The following RERG variants were observed in gnomAD, a reference collection of about 807,000 sequenced individuals.
RERG encodes the protein ras-related and estrogen-regulated growth inhibitor.
Under a neutral mutation model 23.2 loss-of-function variants are expected in RERG, and 25 were observed. The observed-to-expected ratio is 1.08, with a 90% CI of 0.79 to 1.50. RERG has a LOEUF of 1.50. Ranked by LOEUF, RERG falls within the 40% of genes most tolerant of loss-of-function variation. The probability of loss-of-function intolerance (pLI) is 0.00; values close to 1 mark genes in which losing one functional copy is unlikely to be tolerated. For missense variants in RERG, 253 were observed against 250.1 expected (o/e 1.01, Z -0.08); for synonymous variants, 81 against 89.1 (o/e 0.91, Z 0.51).
intron 2 of RERG, among the ~76,000 whole-genome samples, chr12:15,215,044 T>C (rs1171064378): frequency 6.6e-6 from 1 of 152,104 alleles, no homozygotes; most frequent in Non-Finnish European, 1.5e-5. Flanking sequence ...AAAAAGGCAA[T>C]TGTTAAAGAT....
chr12:15,203,523 C>T (rs1290763404), intron 2 of RERG, among the ~76,000 whole-genome samples: 6 of 151,580 alleles, frequency 4.0e-5, no homozygotes, highest in Admixed American at 3.3e-4. Flanking sequence ...ACAATGATGA[C>T]CATGCTTATG....
At chr12:15,163,992 C>A (rs2136116098) in intron 2 of RERG, among the ~76,000 whole-genome samples, 1 of 152,254 alleles carries the variant, frequency 6.6e-6, no homozygotes, top group Admixed American at 6.5e-5. Context: ...TCTGCTACTA[C>A]CTCACATTGG....
chr12:15,175,388 T>TGTGTGTGTGTGTGTGTG (rs1591658566), intron 2 of RERG, among the ~76,000 whole-genome samples: 1 of 124,444 alleles, frequency 8.0e-6, no homozygotes, highest in African/African-American at 3.0e-5. Context: ...TGTGTGTGTG[T>TGTGTGTGTGTGTGTGTG]TGGGGCATGC....
intron 2 of RERG, among the ~76,000 whole-genome samples, chr12:15,173,514 A>G (rs188911620): frequency 1.8e-3 from 269 of 152,088 alleles, no homozygotes; most frequent in African/African-American, 6.4e-3. Flanking sequence ...ATTCCAGATA[A>G]AAAAATTTTT....
chr12:15,169,520 A>G (rs745919245), intron 2 of RERG, among the ~76,000 whole-genome samples: 2 of 152,066 alleles, frequency 1.3e-5, no homozygotes, highest in African/African-American at 2.4e-5. Flanking sequence ...TCAGACACAG[A>G]CTGGAATCTA....
intron 2 of RERG, among the ~76,000 whole-genome samples, chr12:15,174,822 C>A (rs990172350): frequency 1.3e-5 from 2 of 151,708 alleles, no homozygotes; most frequent in Non-Finnish European, 2.9e-5. Context: ...ATAATTTTAT[C>A]TCTTTATTGA....
intron 2 of RERG, among the ~76,000 whole-genome samples, chr12:15,198,644 T>C (rs1384552557): frequency 6.6e-6 from 1 of 152,158 alleles, no homozygotes. Flanking sequence ...TAGAGTTCTG[T>C]AGATTAGAAG....
intron 2 of RERG, among the ~76,000 whole-genome samples, chr12:15,203,488 CT>C (rs1204219275): frequency 6.6e-6 from 1 of 151,632 alleles, no homozygotes; most frequent in Non-Finnish European, 1.5e-5. Flanking sequence ...AAAATCAAAG[CT>C]ATTTTTCTAA....
At chr12:15,111,301 T>G in intron 4 of RERG, 43 bp downstream of exon 4, 2 of 1,490,948 alleles carry the variant, frequency 1.3e-6, no homozygotes, top group Non-Finnish European at 1.9e-6. Context: ...TTTCTCAGTT[T>G]TATTTGATCC....
intron 2 of RERG, among the ~76,000 whole-genome samples, chr12:15,189,910 C>T (rs560235294): frequency 6.6e-6 from 1 of 152,240 alleles, no homozygotes; most frequent in South Asian, 2.1e-4. Flanking sequence ...CGTTAAGAAA[C>T]CTGCATGATT....
intron 2 of RERG, among the ~76,000 whole-genome samples, chr12:15,194,229 A>G (rs1865112090): frequency 6.6e-6 from 1 of 152,144 alleles, no homozygotes; most frequent in South Asian, 2.1e-4. Context: ...TGCGCTCTAA[A>G]TAACAAACAC....
intron 2 of RERG, among the ~76,000 whole-genome samples, chr12:15,154,984 T>G (rs2136109805): frequency 6.6e-6 from 1 of 152,348 alleles, no homozygotes; most frequent in South Asian, 2.1e-4. Flanking sequence ...CACCTCATAT[T>G]GATTCTTGCT....
chr12:15,164,270 A>C (rs1864655142), intron 2 of RERG, among the ~76,000 whole-genome samples: 1 of 152,184 alleles, frequency 6.6e-6, no homozygotes, highest in African/African-American at 2.4e-5. Context: ...GTAAGCTCAA[A>C]ACTCACTGCC....
intron 2 of RERG, among the ~76,000 whole-genome samples, chr12:15,156,625 C>G (rs1304365118): frequency 1.3e-5 from 2 of 152,164 alleles, no homozygotes; most frequent in Non-Finnish European, 2.9e-5. Flanking sequence ...TTACTAGGTT[C>G]AGAAAATCTC....
At chr12:15,206,267 C>T (rs889760129) in intron 2 of RERG, among the ~76,000 whole-genome samples, 8 of 152,078 alleles carry the variant, frequency 5.3e-5, no homozygotes, top group African/African-American at 1.9e-4. Flanking sequence ...AGGAAGGCTT[C>T]ACATGTGCTC....
At chr12:15,171,136 GC>G (rs1452016693) in intron 2 of RERG, among the ~76,000 whole-genome samples, 1 of 152,214 alleles carries the variant, frequency 6.6e-6, no homozygotes, top group East Asian at 1.9e-4. Context: ...GCACCCATGT[GC>G]TGAGGGATGT....
chr12:15,138,253 C>G (rs1239219764), intron 2 of RERG: 1 of 163,600 alleles, frequency 6.1e-6, no homozygotes, highest in Non-Finnish European at 1.3e-5. Context: ...TCAAATACTT[C>G]TCTTATTTCC....
At position 15,169,475 on chromosome 12, in the gene RERG, C is replaced by T. The variant is rs117290174; in HGVS notation, c.61+47954G>A. On this transcript the variant is annotated intron_variant, in intron 2 of 4. Transcript: ENST00000256953. ...CTGATTGCTTGAGCTGAACATTGAT[C>T]TCCTCCTCCTCTTGGCACTTCTGGT... Among the ~76,000 whole-genome samples the T allele has an allele frequency of 4.5e-3, 681 of 152,228 alleles. 1 individual carries two copies. The highest frequency in any genetic ancestry group is 0.017 in the Middle Eastern group (5 of 294).
chr12:15,214,031 TGTGTGTGC>T (rs775555368), intron 2 of RERG, among the ~76,000 whole-genome samples: 20 of 113,690 alleles, frequency 1.8e-4, no homozygotes, highest in African/African-American at 9.5e-4. Context: ...TGTGTGTGTG[TGTGTGTGC>T]GCGTGTGTGG....
Sources: allele counts gnomAD v4.1 joint callset (sites outside exome capture counted in the v4.1 genomes callset), GRCh38; gene constraint gnomAD v4.1.1; transcripts MANE v1.5; gene names NCBI Gene and HGNC (gene_info 2026-07-23, HGNC 2026-07-21).